Variants in RBP2 observed in about 807,000 individuals in gnomAD.
RBP2 encodes retinol-binding protein 2.
A neutral mutation model predicts 17.0 loss-of-function variants in RBP2; 17 were observed. That is an observed-to-expected ratio of 1.00 (90% CI 0.68 to 1.50). The LOEUF (loss-of-function observed/expected upper bound fraction) is 1.50. Among genes scored for constraint, RBP2 ranks in the 40% most tolerant of loss-of-function variants. RBP2 has a pLI of 0.00. For synonymous variants in RBP2, 48 were observed against 57.1 expected, an observed-to-expected ratio of 0.84 and a Z score of 0.72; for missense variants, 158 against 168.2, an observed-to-expected ratio of 0.94 and a Z score of 0.33.
chr3:139,470,902 C>T (rs1038978260), intron 1 of RBP2, among the ~76,000 whole-genome samples: 9 of 152,152 alleles, frequency 5.9e-5, no homozygotes, highest in African/African-American at 2.2e-4. Context: ...TTCTTGAACA[C>T]ACCCAAAACC....
chr3:139,463,711 C>A (rs1933269989), intron 1 of RBP2, among the ~76,000 whole-genome samples: 1 of 152,140 alleles, frequency 6.6e-6, no homozygotes, highest in Admixed American at 6.5e-5. Flanking sequence ...ACTTGAATTT[C>A]TTTCCTTGCT....
intron 1 of RBP2, among the ~76,000 whole-genome samples, chr3:139,473,938 A>G (rs1164700363): frequency 2.0e-5 from 3 of 152,200 alleles, no homozygotes; most frequent in African/African-American, 7.2e-5. Context: ...TAAACCAGGC[A>G]CCAACAGATT....
intron 1 of RBP2, among the ~76,000 whole-genome samples, chr3:139,470,857 G>A (rs1933541938): frequency 6.6e-6 from 1 of 152,052 alleles, no homozygotes; most frequent in Non-Finnish European, 1.5e-5. Flanking sequence ...AAAGTGTTGG[G>A]ATTACAGGTG....
intron 1 of RBP2, among the ~76,000 whole-genome samples, chr3:139,466,036 C>T (rs968514345): frequency 2.6e-5 from 4 of 152,068 alleles, no homozygotes; most frequent in African/African-American, 7.2e-5. Flanking sequence ...ACAGCTCCAT[C>T]GGATGTTTGG....
chr3:139,454,953 C>A, intron 2 of RBP2, 123 bp from the exon 3 acceptor site: 1 of 914,258 alleles, frequency 1.1e-6, no homozygotes, highest in South Asian at 1.5e-5. Flanking sequence ...GCAGAGCCCT[C>A]AGCCTCAGGG....
chr3:139,461,968 T>C (rs962865697), intron 2 of RBP2, 144 bp downstream of exon 2: 13 of 796,264 alleles, frequency 1.6e-5, no homozygotes, highest in Non-Finnish European at 2.2e-5. Context: ...TAATTGCTCA[T>C]TGCCAGCATG....
At chr3:139,462,678 A>G (rs1933234392) in intron 1 of RBP2, among the ~76,000 whole-genome samples, 1 of 152,150 alleles carries the variant, frequency 6.6e-6, no homozygotes, top group Non-Finnish European at 1.5e-5. Context: ...ATGATTTAAA[A>G]GAAAAAAGAC....
At chr3:139,460,200 G>T (rs1264483068) in intron 2 of RBP2, among the ~76,000 whole-genome samples, 1 of 152,192 alleles carries the variant, frequency 6.6e-6, no homozygotes, top group Non-Finnish European at 1.5e-5. Context: ...GAAATTCTGA[G>T]ATCAATTTTC....
chr3:139,459,852 G>A (rs1263939090), intron 2 of RBP2, among the ~76,000 whole-genome samples: 1 of 147,782 alleles, frequency 6.8e-6, no homozygotes, highest in Non-Finnish European at 1.5e-5. Flanking sequence ...GTGTGTGTGT[G>A]TGTGCATTCA....
chr3:139,454,750 A>AAATCG lies in RBP2; in HGVS notation c.332_333insCGATT (p.Glu112AspfsTer11). ...TTACCAGGTACAGCTTGTCCCCCTC[A>AAATCG]ATCCACTGCTTCCAGCCGCGGTTCT... On this transcript the variant is annotated frameshift_variant, in exon 3 of 4. Transcript: ENST00000232217. LOFTEE classifies it high-confidence loss of function. 1.9e-6 allele frequency: 3 copies of AAATCG among 1,614,112 alleles called. No homozygotes were observed. The highest frequency in any genetic ancestry group is 1.3e-5 in the African/African-American group (1 of 75,038).
rs62270323 is a variant in RBP2, at chr3:139,463,278, C to A, written c.74-988G>T. ...CTTGGCCCACTATAAGCTCTGCCTC[C>A]CAGGTTCATGCCATTCTCTTGCCTC... On this transcript the variant is annotated intron_variant, in intron 1 of 3. Transcript: ENST00000232217. Among the ~76,000 whole-genome samples, 173 of 152,184 alleles carry A rather than the reference C, an allele frequency of 1.1e-3. 1 individual carries two copies. The highest frequency in any genetic ancestry group is 4.1e-3 in the African/African-American group (170 of 41,506).
At position 139,475,290 on chromosome 3, in the gene RBP2, G is replaced by A. The variant is rs541383992; in HGVS notation, c.73+1097C>T. ...GCTGAGATCGCGCCACTGCACTCCA[G>A]CCTGGGCGACAGAGCGAGACTCTGT... On this transcript the variant is annotated intron_variant, in intron 1 of 3. Coordinates refer to ENST00000232217, the MANE Select transcript of RBP2 (RefSeq NM_004164.3). Among the ~76,000 whole-genome samples, 265 of 136,738 alleles carry A rather than the reference G, an allele frequency of 1.9e-3. 2 individuals carry two copies. The highest frequency in any genetic ancestry group is 3.5e-3 in the Non-Finnish European group (233 of 66,318). 89.7% of individuals were successfully genotyped at this position (136,738 alleles called of 152,430 possible). A position where few individuals can be genotyped will look rare whatever the true frequency, so the allele number is the denominator to read the frequency against.
Position 139,454,729 on chromosome 3 carries a change from C to A in RBP2, c.354G>T (p.Leu118=), listed in dbSNP as rs1244262395. ...KQWIEGDKLY[L]ELTCGDQVCR... ...GAGCTGAGCAGAACCCAGTACTTAC[C>A]AGGTACAGCTTGTCCCCCTCAATCC... The change falls in exon 3 of 4, where the codon CTG becomes CTT. Residue 118 remains leucine, a splice_region_variant and synonymous_variant. Transcript: ENST00000232217. 1.2e-6 allele frequency: 2 copies of A among 1,613,680 alleles called. No homozygotes were observed. Among genetic ancestry groups the A allele is most frequent in the Non-Finnish European group, 8.5e-7 (1 of 1,179,570 alleles).
rs562809494 is a variant in RBP2 at position 139,464,400 on chromosome 3, G to A, written c.74-2110C>T. On this transcript the variant is annotated intron_variant, in intron 1 of 3. Transcript: ENST00000232217. ...TTGAACCCGGGAGGCGGAGGTTGCA[G>A]TAAGCCAAGATTGTGCCATTGCACT... 1.2e-3 allele frequency among the ~76,000 whole-genome samples: 184 copies of A among 152,262 alleles called. 1 individual carries two copies. The highest frequency in any genetic ancestry group is 4.3e-3 in the African/African-American group (178 of 41,550).
In RBP2 at chr3:139,462,718, A is replaced by G. The variant is rs150598499; in HGVS notation, c.74-428T>C. Among the ~76,000 whole-genome samples, 390 of 152,340 alleles carry G rather than the reference A, an allele frequency of 2.6e-3. 1 individual carries two copies. The highest frequency in any genetic ancestry group is 7.5e-3 in the African/African-American group (311 of 41,582). On this transcript the variant is annotated intron_variant, in intron 1 of 3. Transcript: ENST00000232217. ...GAAATCACTAGTTTTAATCATGGAT[A>G]AAGATGAAACTTAGGAAACTTTTGT...
chr3:139,458,908 A>G (rs1194143895), intron 2 of RBP2, among the ~76,000 whole-genome samples: 1 of 152,162 alleles, frequency 6.6e-6, no homozygotes, highest in African/African-American at 2.4e-5. Flanking sequence ...CTTCTCTTAG[A>G]AATCAGCCAG....
At chr3:139,454,974 C>T (rs1943370259) in intron 2 of RBP2, 144 bp from the exon 3 acceptor site, 1 of 709,038 alleles carries the variant, frequency 1.4e-6, no homozygotes, top group African/African-American at 1.8e-5. Flanking sequence ...AGCCAAGATG[C>T]TTCCAATGTC....
chr3:139,467,846 A>C (rs1188500112), intron 1 of RBP2, among the ~76,000 whole-genome samples: 1 of 151,846 alleles, frequency 6.6e-6, no homozygotes, highest in Non-Finnish European at 1.5e-5. Context: ...TGGCTGATAC[A>C]CTCTCTTACT....
In RBP2 at chr3:139,457,896, A is replaced by G. The variant is rs560524159; in HGVS notation, c.253-3066T>C. On this transcript the variant is annotated intron_variant, in intron 2 of 3. Transcript: ENST00000232217. ...ACAGTTTCCAAAGCTAACATTGCTTAAAACAGCCCTTTATGATAAATTAGA... is the reference window on the plus strand; with the variant it reads ...ACAGTTTCCAAAGCTAACATTGCTTGAAACAGCCCTTTATGATAAATTAGA... Among the ~76,000 whole-genome samples the G allele has an allele frequency of 2.6e-5, 4 of 152,372 alleles. No homozygotes were observed. In the East Asian group the frequency reaches 7.7e-4, roughly 29 times the overall value.
Sources: allele counts gnomAD v4.1 joint callset (sites outside exome capture counted in the v4.1 genomes callset), GRCh38; gene constraint gnomAD v4.1.1; transcripts MANE v1.5; gene names NCBI Gene and HGNC (gene_info 2026-07-23, HGNC 2026-07-21).